Variants in RAD17 observed in about 807,000 individuals in gnomAD.
RAD17 encodes cell cycle checkpoint protein RAD17.
Under a neutral mutation model 81.5 loss-of-function variants are expected in RAD17, and 31 were observed. The observed-to-expected ratio is 0.38, with a 90% confidence interval of 0.29 to 0.51. RAD17 has a LOEUF of 0.51. Among genes scored for constraint, RAD17 ranks in the 20% least tolerant of loss-of-function variants. RAD17 has a pLI of 0.88. For synonymous variants in RAD17, 261 were observed against 266.2 expected, an observed-to-expected ratio of 0.98 and a Z score of 0.19; for missense variants, 681 against 781.2, an observed-to-expected ratio of 0.87 and a Z score of 1.53.
intron 6 of RAD17, among the ~76,000 whole-genome samples, chr5:69,377,505 A>ATG (rs1554038643): frequency 3.9e-5 from 4 of 102,096 alleles, no homozygotes; most frequent in Non-Finnish European, 5.7e-5. Context: ...ACGTATATAT[A>ATG]TGTATATATA....
intron 17 of RAD17, among the ~76,000 whole-genome samples, chr5:69,410,138 A>G (rs1765876331): frequency 6.6e-6 from 1 of 151,880 alleles, no homozygotes; most frequent in Non-Finnish European, 1.5e-5. Flanking sequence ...TCTTTTTGAG[A>G]CTCTGTTTTT....
At chr5:69,372,803 G>T (rs1027841171) in intron 4 of RAD17, among the ~76,000 whole-genome samples, 3 of 151,950 alleles carry the variant, frequency 2.0e-5, no homozygotes, top group African/African-American at 7.3e-5. Flanking sequence ...TAGAGTTGGG[G>T]TCTCCCTATG....
chr5:69,379,934 G>A (rs967259165), intron 6 of RAD17, among the ~76,000 whole-genome samples: 1 of 151,228 alleles, frequency 6.6e-6, no homozygotes, highest in African/African-American at 2.4e-5. Flanking sequence ...AGGCTGGAGT[G>A]CAGTGGTGCA....
At position 69,374,706 on chromosome 5, in the gene RAD17, A is replaced by G; in HGVS notation, c.346A>G (p.Lys116Glu). ...AGCTCAAGTTTTAGAAAGGCAACCA[A>G]AACAGGTAACTAAGAAATGTGTTTT... ...LKAQVLERQPKQGGSILLITG... is the reference protein window; with the variant it reads ...LKAQVLERQPEQGGSILLITG... Residue 116 changes from lysine to glutamate, a missense_variant, in exon 6 of 19, where the codon AAA becomes GAA. By Grantham distance (56) the Lys-to-Glu change is moderately conservative. Transcript: ENST00000354868. 1.2e-6 allele frequency: 2 copies of G among 1,603,498 alleles called. No homozygotes were observed. The highest frequency in any genetic ancestry group is 1.7e-6 in the Non-Finnish European group (2 of 1,173,920).
In RAD17 at chr5:69,389,112, G is replaced by T; in HGVS notation, c.973G>T (p.Ala325Ser). 1 of 1,587,108 alleles carries T rather than the reference G, an allele frequency of 6.3e-7. No individual in the cohort carries two copies. The highest frequency in any genetic ancestry group is 8.6e-7 in the Non-Finnish European group (1 of 1,166,266). The change falls in exon 12 of 19, where the codon GCA becomes TCA. Residue 325 changes from alanine (A) to serine (S), a missense_variant. Transcript: ENST00000354868. ...GGGATGTTCTGGTGATATCAGAAGTGCAATAAACAGCCTCCAGTTTTCTTC... is the reference window on the plus strand; with the variant it reads ...GGGATGTTCTGGTGATATCAGAAGTTCAATAAACAGCCTCCAGTTTTCTTC... ...CQGCSGDIRS[A>S]INSLQFSSSK... is the part of the protein sequence containing the mutation.
intron 7 of RAD17, among the ~76,000 whole-genome samples, chr5:69,382,265 A>T (rs1763904300): frequency 6.6e-6 from 1 of 152,150 alleles, no homozygotes; most frequent in Non-Finnish European, 1.5e-5. Flanking sequence ...GCTGGGCAAC[A>T]TACAAAGAAC....
At chr5:69,393,046 G>T in intron 13 of RAD17, 109 bp from the exon 14 acceptor site, 2 of 617,080 alleles carry the variant, frequency 3.2e-6, no homozygotes, top group African/African-American at 1.9e-5. Flanking sequence ...TTAACAGTTT[G>T]TTACTATGTT....
chr5:69,386,658 CT>C (rs1159958997), intron 11 of RAD17, among the ~76,000 whole-genome samples, 193 bp downstream of exon 11: 1 of 151,946 alleles, frequency 6.6e-6, no homozygotes, highest in Non-Finnish European at 1.5e-5. Flanking sequence ...TACTATTAAA[CT>C]TTCACTTTCA....
intron 17 of RAD17, among the ~76,000 whole-genome samples, chr5:69,402,654 CA>C (rs35516042): frequency 5.0e-4 from 62 of 123,936 alleles, no homozygotes; most frequent in African/African-American, 6.8e-4. Flanking sequence ...GACTCTGTCT[CA>C]AAAAAAAAAA....
In RAD17 at chr5:69,396,371, C is replaced by T. The variant is rs755460704; in HGVS notation, c.1423-26C>T. ...TAATGCTCTTTTATAAATCTATTTT[C>T]TTTCACATCTTGTCTCATTTGTTAG... On this transcript the variant is annotated intron_variant, in intron 15 of 18. Transcript: ENST00000354868. 1.8e-5 allele frequency: 28 copies of T among 1,591,186 alleles called. 1 individual carries two copies. The African/African-American group carries it at 3.6e-4, about 21-fold the overall frequency.
Position 69,389,146 on chromosome 5 carries a change from G to A in RAD17, c.1006+1G>A. On this transcript the variant is annotated splice_donor_variant, in intron 12 of 18. Transcript: ENST00000354868. LOFTEE classifies it high-confidence loss of function. ...AGCCTCCAGTTTTCTTCTTCAAAAG[G>A]TAACTATGGAAGATACAGTCATGTG... 1 of 1,553,242 alleles carries A rather than the reference G, an allele frequency of 6.4e-7. No homozygotes were observed. The highest frequency in any genetic ancestry group is 8.8e-7 in the Non-Finnish European group (1 of 1,141,002).
chr5:69,404,708 G>T (rs984209001), intron 17 of RAD17, among the ~76,000 whole-genome samples: 1 of 150,178 alleles, frequency 6.7e-6, no homozygotes, highest in African/African-American at 2.5e-5. Flanking sequence ...GGCGGAGGTT[G>T]CCATGAGCCG....
intron 16 of RAD17, among the ~76,000 whole-genome samples, chr5:69,398,755 G>A (rs1042260847): frequency 8.6e-5 from 13 of 150,554 alleles, no homozygotes; most frequent in South Asian, 2.1e-4. Flanking sequence ...GCAGTGAGCC[G>A]AGATCATGCC....
chr5:69,371,248 C>A, intron 2 of RAD17, 77 bp downstream of exon 2: 2 of 530,516 alleles, frequency 3.8e-6, no homozygotes, highest in African/African-American at 2.0e-5. Context: ...AAACTCTTAA[C>A]ACCACAAGTA....
In RAD17 at chr5:69,384,816, T is replaced by C. The variant is rs140119038; in HGVS notation, c.528T>C (p.Phe176=). Residue 176 remains phenylalanine (F), a synonymous_variant, in exon 8 of 19, where the codon TTT becomes TTC. Transcript: ENST00000354868. ...TTTCAGAATCAAGCTTCCATATGTTTCCCTATCAGTCTCAGATAGCAGTTT... is the reference window on the plus strand; with the variant it reads ...TTTCAGAATCAAGCTTCCATATGTTCCCCTATCAGTCTCAGATAGCAGTTT... ...MFNTESSFHM[F]PYQSQIAVFK... 3.0e-4 allele frequency: 476 copies of C among 1,605,990 alleles called. No homozygotes were observed. Among genetic ancestry groups the C allele is most frequent in the Non-Finnish European group, 3.8e-4 (447 of 1,176,906 alleles).
rs1255015459 is a variant in RAD17 at position 69,384,872 on chromosome 5, A to G, written c.584A>G (p.Tyr195Cys). 3.1e-6 allele frequency: 5 copies of G among 1,613,094 alleles called. No homozygotes were observed. Among genetic ancestry groups the G allele is most frequent in the Admixed American group, 1.7e-5 (1 of 59,982 alleles). Residue 195 changes from tyrosine to cysteine, a missense_variant, in exon 8 of 19, where the codon TAT (tyrosine) becomes TGT (cysteine). Coordinates refer to ENST00000354868, the MANE Select transcript of RAD17 (RefSeq NM_133338.3). ...GAGTTTCTACTAAGAGCGACAAAGT[A>G]TAACAAGTTACAAATGCTTGGAGAT... The part of the protein sequence containing the change: ...FKEFLLRATK[Y>C]NKLQMLGDDL...
At chr5:69,377,600 TATATATATGTATAC>T (rs1561239947) in intron 6 of RAD17, among the ~76,000 whole-genome samples, 2 of 7,084 alleles carry the variant, frequency 2.8e-4, no homozygotes, top group Non-Finnish European at 1.4e-3. Context: ...TATATATGCA[TATATATATGTATAC>T]ATATATATGC....
rs777416003 is a variant in RAD17 at position 69,380,663 on chromosome 5, C to CT, written c.352-1226dup. ...TCTTTTGATATTTCTGTAGCTTCAA[C>CT]TTTTTTTTTTTTAATCAAATTTACG... On this transcript the variant is annotated intron_variant, in intron 6 of 18. Transcript: ENST00000354868. 3.6e-3 allele frequency among the ~76,000 whole-genome samples: 524 copies of CT among 145,388 alleles called. 10 individuals carry two copies. The highest frequency in any genetic ancestry group is 0.011 in the African/African-American group (444 of 39,916).
At chr5:69,381,355 C>G (rs1763846591) in intron 6 of RAD17, among the ~76,000 whole-genome samples, 1 of 151,932 alleles carries the variant, frequency 6.6e-6, no homozygotes. Flanking sequence ...GTGGCGGGCG[C>G]CTGTAGTCCC....
Sources: allele counts gnomAD v4.1 joint callset (sites outside exome capture counted in the v4.1 genomes callset), GRCh38; gene constraint gnomAD v4.1.1; transcripts MANE v1.5; gene names NCBI Gene and HGNC (gene_info 2026-07-23, HGNC 2026-07-21).